The following CNTLN variants were observed in gnomAD, a reference collection of about 807,000 sequenced individuals.
The protein encoded by CNTLN is centlein.
A neutral mutation model predicts 180.0 loss-of-function variants in CNTLN; 212 were observed. The ratio of observed to expected loss-of-function variants is 1.18; its 90% CI spans 1.05 to 1.32. The LOEUF (loss-of-function observed/expected upper bound fraction) is 1.32, where lower values mean the gene tolerates loss of function less well. Ranked by LOEUF, CNTLN falls within the 40% of genes most tolerant of loss-of-function variation. CNTLN has a pLI of 0.00. For synonymous variants in CNTLN, 722 were observed against 563.1 expected (o/e 1.28, Z -3.99); for missense variants, 2,095 against 1,610.9 (o/e 1.30, Z -5.14).
Position 17,263,922 on chromosome 9 carries a change from C to T in CNTLN, c.850-9811C>T, listed in dbSNP as rs951814908. Among the ~76,000 whole-genome samples the T allele has an allele frequency of 1.5e-4, 21 of 141,934 alleles. 1 individual carries two copies. Among genetic ancestry groups the T allele is most frequent in the Non-Finnish European group, 2.7e-4 (18 of 65,924 alleles). The allele number at this position is 141,934 out of a possible 152,430, so 93.1% of individuals were successfully genotyped here. A position where few individuals can be genotyped will look rare whatever the true frequency, so the allele number is the denominator to read the frequency against. On this transcript the variant is annotated intron_variant, in intron 5 of 25. Transcript: ENST00000380647. ...TTTTTCTTGTAAATTTGTTTGAGTT[C>T]ATTGTAGATTCTGGATATTAGCCCT...
At chr9:17,254,091 A>G (rs1158373369) in intron 5 of CNTLN, among the ~76,000 whole-genome samples, 1 of 151,610 alleles carries the variant, frequency 6.6e-6, no homozygotes, top group Non-Finnish European at 1.5e-5. Flanking sequence ...TGATTTGTAT[A>G]TATTGAATCA....
chr9:17,409,589 C>G, intron 16 of CNTLN, 116 bp downstream of exon 16: 1 of 741,798 alleles, frequency 1.3e-6, no homozygotes, highest in African/African-American at 1.8e-5. Context: ...CAAGTTAAGT[C>G]TTTAAAATAT....
chr9:17,217,396 G>A (rs887310419), intron 2 of CNTLN, among the ~76,000 whole-genome samples: 4 of 152,194 alleles, frequency 2.6e-5, no homozygotes, highest in South Asian at 2.1e-4. Context: ...TCTGCATATC[G>A]GAGCACAAAA....
At chr9:17,450,714 G>A (rs564875110) in intron 18 of CNTLN, among the ~76,000 whole-genome samples, 226 of 152,212 alleles carry the variant, frequency 1.5e-3, no homozygotes, top group African/African-American at 5.1e-3. Context: ...ACATAGTGTA[G>A]CCCTTTCATA....
chr9:17,230,836 TG>T (rs1325832522), intron 3 of CNTLN, among the ~76,000 whole-genome samples: 1 of 152,010 alleles, frequency 6.6e-6, no homozygotes, highest in African/African-American at 2.4e-5. Flanking sequence ...GAGTACTGCT[TG>T]CCCCCTTCCC....
intron 5 of CNTLN, among the ~76,000 whole-genome samples, chr9:17,263,661 A>G (rs1162951740): frequency 6.9e-6 from 1 of 144,930 alleles, no homozygotes; most frequent in African/African-American, 2.7e-5. Context: ...TTCCACCAAC[A>G]GTGTAAAAGT....
At chr9:17,511,648 T>TCTCACACACA in the CNTLN span, among the ~76,000 whole-genome samples, 653 of 146,678 alleles carry the variant, frequency 4.5e-3, 8 homozygotes, top group African/African-American at 0.016. Context: ...TCTCTCTCTC[T>TCTCACACACA]CACACACACA....
chr9:17,360,849 T>C (rs943290462), intron 12 of CNTLN, among the ~76,000 whole-genome samples: 1 of 152,238 alleles, frequency 6.6e-6, no homozygotes, highest in Admixed American at 6.5e-5. Context: ...TGTGGTCTTA[T>C]CTTGTTGAAT....
chr9:17,253,182 A>G (rs1240233815), intron 5 of CNTLN, among the ~76,000 whole-genome samples: 1 of 151,726 alleles, frequency 6.6e-6, no homozygotes, highest in East Asian at 1.9e-4. Context: ...TCCTTGTAAT[A>G]TGTTTTGAAG....
intron 7 of CNTLN, 115 bp from the exon 8 acceptor site, chr9:17,308,943 G>A: frequency 2.0e-6 from 1 of 506,258 alleles, no homozygotes; most frequent in Non-Finnish European, 3.1e-6. Context: ...ATAACCTGAG[G>A]GCAAGAACTG....
intron 10 of CNTLN, among the ~76,000 whole-genome samples, chr9:17,339,930 G>A (rs1327652905): frequency 6.6e-6 from 1 of 152,078 alleles, no homozygotes; most frequent in African/African-American, 2.4e-5. Context: ...GAGGCAGGAG[G>A]ATCATTTGAT....
At chr9:17,305,233 T>A (rs948770261) in intron 7 of CNTLN, among the ~76,000 whole-genome samples, 2 of 152,136 alleles carry the variant, frequency 1.3e-5, no homozygotes, top group Admixed American at 6.6e-5. Context: ...GAAAATAGCA[T>A]GAAGAATAGT....
intron 6 of CNTLN, among the ~76,000 whole-genome samples, chr9:17,280,800 T>C (rs1200362383): frequency 1.3e-5 from 2 of 152,202 alleles, no homozygotes; most frequent in Non-Finnish European, 2.9e-5. Flanking sequence ...ATAGTAGCAT[T>C]GTTTATCCCA....
chr9:17,309,737 T>A (rs997206228), intron 8 of CNTLN, among the ~76,000 whole-genome samples: 3 of 152,082 alleles, frequency 2.0e-5, no homozygotes, highest in Admixed American at 6.5e-5. Flanking sequence ...GAAGGTAGTA[T>A]AAATGTATAG....
chr9:17,364,991 C>T (rs1823692298), intron 12 of CNTLN, among the ~76,000 whole-genome samples: 1 of 152,156 alleles, frequency 6.6e-6, no homozygotes, highest in Admixed American at 6.6e-5. Flanking sequence ...TTCAGGTTTT[C>T]ATTCAGCAGA....
At chr9:17,165,030 G>C (rs1819972099) in intron 2 of CNTLN, among the ~76,000 whole-genome samples, 1 of 151,032 alleles carries the variant, frequency 6.6e-6, no homozygotes, top group Admixed American at 6.6e-5. Context: ...AGTAGAGATG[G>C]GGTTTCACCA....
the CNTLN span, among the ~76,000 whole-genome samples, chr9:17,516,561 C>T: frequency 2.2e-4 from 33 of 152,252 alleles, no homozygotes; most frequent in African/African-American, 5.5e-4. Context: ...TCACACACTA[C>T]GGAAAACTCA....
intron 5 of CNTLN, among the ~76,000 whole-genome samples, chr9:17,265,445 G>C (rs1408629075): frequency 6.6e-6 from 1 of 152,202 alleles, no homozygotes; most frequent in Admixed American, 6.5e-5. Flanking sequence ...CGGTTTGCCA[G>C]TATTTTATTG....
intron 22 of CNTLN, 118 bp from the exon 23 acceptor site, chr9:17,466,588 C>A: frequency 1.3e-6 from 1 of 763,170 alleles, no homozygotes; most frequent in Non-Finnish European, 2.0e-6. Context: ...TAATTTTACC[C>A]AAATAATAAA....
Sources: allele counts gnomAD v4.1 joint callset (sites outside exome capture counted in the v4.1 genomes callset), GRCh38; gene constraint gnomAD v4.1.1; transcripts MANE v1.5; gene names NCBI Gene and HGNC (gene_info 2026-07-23, HGNC 2026-07-21).